Variants in ACOT7 observed in about 807,000 individuals in gnomAD.
The protein encoded by ACOT7 is acyl-CoA thioesterase 7, also known as cytosolic acyl coenzyme A thioester hydrolase.
In ACOT7, 12 loss-of-function variants were observed where a neutral mutation model predicts 40.2. The observed-to-expected ratio is 0.30, with a 90% CI of 0.19 to 0.48. The LOEUF (loss-of-function observed/expected upper bound fraction) is 0.48, where lower values mean the gene tolerates loss of function less well. Among genes scored for constraint, ACOT7 ranks in the 20% least tolerant of loss-of-function variants. The probability of loss-of-function intolerance (pLI) is 0.99; values close to 1 mark genes in which losing one functional copy is unlikely to be tolerated. For missense variants in ACOT7, 395 were observed against 530.8 expected, an observed-to-expected ratio of 0.74 and a Z score of 2.51; for synonymous variants, 228 against 219.5, an observed-to-expected ratio of 1.04 and a Z score of -0.34.
intron 8 of ACOT7, among the ~76,000 whole-genome samples, chr1:6,268,378 G>A (rs769484166): frequency 1.4e-4 from 22 of 152,148 alleles, no homozygotes; most frequent in Non-Finnish European, 2.5e-4. Flanking sequence ...TTACTTTTGC[G>A]TATATTTGAC....
chr1:6,279,973 C>T (rs537455626), intron 8 of ACOT7, among the ~76,000 whole-genome samples: 22 of 152,212 alleles, frequency 1.4e-4, no homozygotes, highest in African/African-American at 4.3e-4. Context: ...AGTGCATGTT[C>T]GCCCCAGAGA....
chr1:6,388,136 T>C (rs1326109476), intron 1 of ACOT7, among the ~76,000 whole-genome samples: 1 of 151,480 alleles, frequency 6.6e-6, no homozygotes, highest in East Asian at 2.0e-4. Flanking sequence ...TGAGACCAAG[T>C]CTCACTCTGT....
rs536082353 is a variant in ACOT7 at position 6,318,488 on chromosome 1, T to C, written c.712+4A>G. ...ATGGAGTGGCCAGGGCGCTTCCTTC[T>C]TACCTCCGTGCACAAAGCCGTGCAG... is the stretch of plus-strand genomic sequence containing the variant. On this transcript the variant is annotated splice_donor_region_variant and intron_variant, in intron 6 of 8. Coordinates refer to ENST00000361521, the MANE Select transcript of ACOT7 (RefSeq NM_007274.4). 2.5e-5 allele frequency: 40 copies of C among 1,613,694 alleles called. 2 individuals are homozygous for C. In the South Asian group the frequency reaches 4.1e-4, roughly 16 times the overall value.
intron 6 of ACOT7, among the ~76,000 whole-genome samples, chr1:6,305,633 CG>C (rs1232519624): frequency 2.0e-5 from 3 of 150,862 alleles, no homozygotes; most frequent in African/African-American, 7.3e-5. Context: ...AGATGATGGG[CG>C]GCCGGGCAGA....
chr1:6,388,737 T>TAAAAAA (rs34026058), intron 1 of ACOT7, among the ~76,000 whole-genome samples: 1 of 84,634 alleles, frequency 1.2e-5, no homozygotes, highest in Non-Finnish European at 2.3e-5. Context: ...GAGACTCTCT[T>TAAAAAA]AAAAAAAAAA....
chr1:6,355,917 C>T lies in ACOT7; in HGVS notation c.144-6051G>A, dbSNP rs1641730788. Reference sequence around the variant, plus strand: ...CTGCCCCCTGGCCTCACCTTGAGGGCTGGCCATGCCTCCTGTGCCCTGGGG... The same window carrying T: ...CTGCCCCCTGGCCTCACCTTGAGGGTTGGCCATGCCTCCTGTGCCCTGGGG... On this transcript the variant is annotated intron_variant, in intron 1 of 8. Transcript: ENST00000361521. This position sits in a 1 kb window ranked among gnomAD's most constrained non-coding sequence, Gnocchi z 5.0. Among the ~76,000 whole-genome samples, 1 of 152,138 alleles carries T rather than the reference C, an allele frequency of 6.6e-6. No homozygotes were observed. Among genetic ancestry groups the T allele is most frequent in the African/African-American group, 2.4e-5 (1 of 41,452 alleles).
At chr1:6,375,536 T>C (rs1016904445) in intron 1 of ACOT7, among the ~76,000 whole-genome samples, 4 of 151,916 alleles carry the variant, frequency 2.6e-5, no homozygotes, top group African/African-American at 9.7e-5. Context: ...CTGCAATCCC[T>C]GCTTGGAGAT....
chr1:6,385,640 C>G (rs1458751237), intron 1 of ACOT7: 2 of 1,612,276 alleles, frequency 1.2e-6, no homozygotes, highest in South Asian at 2.2e-5. Flanking sequence ...ACTCACAGAG[C>G]CGGAGAGCCC....
At chr1:6,364,846 CAAAAAAAAA>C (rs770975001) in intron 1 of ACOT7, among the ~76,000 whole-genome samples, 2 of 37,530 alleles carry the variant, frequency 5.3e-5, no homozygotes, top group South Asian at 9.9e-4. Flanking sequence ...GACTCCATCT[CAAAAAAAAA>C]AAAAAAAAAA....
At chr1:6,341,247 T>C (rs1641269618) in intron 2 of ACOT7, among the ~76,000 whole-genome samples, 1 of 151,432 alleles carries the variant, frequency 6.6e-6, no homozygotes, top group Non-Finnish European at 1.5e-5. Flanking sequence ...ATTCAGGCAA[T>C]TCTCCTGCCT....
chr1:6,378,290 C>T (rs1438949195), intron 1 of ACOT7, among the ~76,000 whole-genome samples: 17 of 151,606 alleles, frequency 1.1e-4, no homozygotes, highest in Admixed American at 9.2e-4. Context: ...TGCTGGTGGC[C>T]GGGGTGCTCC....
At chr1:6,285,574 G>A (rs1474511638) in intron 7 of ACOT7, among the ~76,000 whole-genome samples, 2 of 152,256 alleles carry the variant, frequency 1.3e-5, no homozygotes, top group African/African-American at 2.4e-5. Flanking sequence ...GGACCATCCA[G>A]GCTGCCGGCC....
intron 6 of ACOT7, chr1:6,295,646 A>G (rs2148396530): frequency 6.6e-6 from 1 of 152,386 alleles, no homozygotes; most frequent in Admixed American, 6.5e-5. Context: ...TGAAAACGCT[A>G]TGCAAGCAAA....
rs553859318 is a variant in ACOT7 at position 6,275,665 on chromosome 1, C to A, written c.1014+5437G>T. Among the ~76,000 whole-genome samples, 5 of 145,030 alleles carry A rather than the reference C, an allele frequency of 3.4e-5. No individual in the cohort carries two copies. The highest frequency in any genetic ancestry group is 5.9e-5 in the Non-Finnish European group (4 of 67,316). The stretch of plus-strand genomic sequence containing the variant: ...CCGGGAGGCAGCGGTTGCAGTGAGC[C>A]GAGATCCAGCCATTGCACTCCAGGT... On this transcript the variant is annotated intron_variant, in intron 8 of 8. Coordinates refer to ENST00000361521, the MANE Select transcript of ACOT7 (RefSeq NM_007274.4). This position sits in a 1 kb window ranked among gnomAD's most constrained non-coding sequence, Gnocchi z 5.6.
At chr1:6,309,066 T>C (rs1265426701) in intron 6 of ACOT7, among the ~76,000 whole-genome samples, 1 of 152,254 alleles carries the variant, frequency 6.6e-6, no homozygotes, top group Admixed American at 6.5e-5. Flanking sequence ...ATTTACTCCC[T>C]TGACCCAGGT....
At chr1:6,327,256 C>T in intron 5 of ACOT7, 43 bp downstream of exon 5, 2 of 1,597,826 alleles carry the variant, frequency 1.3e-6, no homozygotes, top group African/African-American at 1.3e-5. Context: ...CTATGCGTCC[C>T]CGGTGAGGAG....
chr1:6,309,649 T>C (rs1454412171), intron 6 of ACOT7, among the ~76,000 whole-genome samples: 1 of 152,102 alleles, frequency 6.6e-6, no homozygotes, highest in Non-Finnish European at 1.5e-5. Flanking sequence ...GGCCGGCAGT[T>C]ATTTGCAGGA....
rs3029068 is a variant in ACOT7, at chr1:6,336,333, C to CAAAAAAAAAA, written c.419-2775_419-2766dup. On this transcript the variant is annotated intron_variant, in intron 3 of 8. Coordinates refer to ENST00000361521, the MANE Select transcript of ACOT7 (RefSeq NM_007274.4). ...TGCACGACAGAGCAAGACTCGGTCT[C>CAAAAAAAAAA]AAAAAAAAAAAAAAAAAAAAAAAAA... 7.0e-3 allele frequency among the ~76,000 whole-genome samples: 370 copies of CAAAAAAAAAA among 52,724 alleles called. 16 individuals are homozygous for CAAAAAAAAAA. The highest frequency in any genetic ancestry group is 0.024 in the African/African-American group (305 of 12,766). 34.6% of individuals were successfully genotyped at this position (52,724 alleles called of 152,430 possible). A position where few individuals can be genotyped will look rare whatever the true frequency, so the allele number is the denominator to read the frequency against.
At chr1:6,339,997 G>A (rs1641226934) in intron 2 of ACOT7, among the ~76,000 whole-genome samples, 3 of 149,974 alleles carry the variant, frequency 2.0e-5, no homozygotes, top group East Asian at 1.9e-4. Flanking sequence ...ATGGAGTCTC[G>A]CTCTGTCACC....
Sources: gnomAD v4.1 joint callset for allele counts (sites outside exome capture counted in the v4.1 genomes callset) on GRCh38, gnomAD v4.1.1 for gene constraint, Gnocchi (gnomAD v3.1) non-coding constraint, MANE v1.5 for transcripts, NCBI Gene and HGNC (gene_info 2026-07-23, HGNC 2026-07-21) for gene names.